Variants in CALU observed in about 807,000 individuals in gnomAD.
The protein encoded by CALU is IEF SSP 9302.
Under a neutral mutation model 37.5 loss-of-function variants are expected in CALU, and 13 were observed. The ratio of observed to expected loss-of-function variants is 0.35; its 90% confidence interval spans 0.23 to 0.55. The LOEUF (loss-of-function observed/expected upper bound fraction) is 0.55, where lower values mean the gene tolerates loss of function less well. Ranked by LOEUF, CALU falls within the 20% of genes least tolerant of loss-of-function variation. The probability of loss-of-function intolerance (pLI) is 0.89; values close to 1 mark genes in which losing one functional copy is unlikely to be tolerated. For synonymous variants in CALU, 114 were observed against 133.8 expected (o/e 0.85, Z 1.02); for missense variants, 282 against 391.7 (o/e 0.72, Z 2.36).
chr7:128,757,621 A>G (rs1191402812), intron 3 of CALU, among the ~76,000 whole-genome samples: 2 of 152,140 alleles, frequency 1.3e-5, no homozygotes, highest in East Asian at 1.9e-4. Flanking sequence ...AAGCAGTGTC[A>G]TATCCTTTTT....
At chr7:128,768,068 T>C (rs915632368) in intron 6 of CALU, among the ~76,000 whole-genome samples, 5 of 152,190 alleles carry the variant, frequency 3.3e-5, no homozygotes, top group Non-Finnish European at 7.3e-5. Flanking sequence ...TTGGGTCCTT[T>C]GTATGGGCTA....
intron 6 of CALU, among the ~76,000 whole-genome samples, chr7:128,768,850 A>AAAAAAAAAAAAAAC (rs1801436923): frequency 6.8e-6 from 1 of 147,148 alleles, no homozygotes; most frequent in Non-Finnish European, 1.5e-5. Context: ...TCCGTCTCAA[A>AAAAAAAAAAAAAAC]AAAAAAAAAA....
chr7:128,751,016 G>A (rs997933388), intron 2 of CALU, among the ~76,000 whole-genome samples: 1 of 152,138 alleles, frequency 6.6e-6, no homozygotes, highest in African/African-American at 2.4e-5. Context: ...CTGGCTGGGC[G>A]CAATGGCTCA....
At chr7:128,739,835 C>G (rs566017114) in intron 1 of CALU, among the ~76,000 whole-genome samples, 1 of 152,112 alleles carries the variant, frequency 6.6e-6, no homozygotes, top group African/African-American at 2.4e-5. Context: ...CTTGCCGCCT[C>G]CACTCACCAT....
In CALU at chr7:128,748,822, A is replaced by C; in HGVS notation, c.221+18A>C. 4 of 1,533,098 alleles carry C rather than the reference A, an allele frequency of 2.6e-6. No homozygotes were observed. The highest frequency in any genetic ancestry group is 3.6e-6 in the Non-Finnish European group (4 of 1,106,298). 95.0% of individuals were successfully genotyped at this position (1,533,098 alleles called of 1,614,324 possible). ...AGGCTTGGGTAAGGTACCACCTCTC[A>C]GGGGTCTAGTGTGGGTAATGACATT... On this transcript the variant is annotated intron_variant, in intron 2 of 6. Transcript: ENST00000249364.
At chr7:128,748,847 T>C in intron 2 of CALU, 43 bp downstream of exon 2, 1 of 1,333,938 alleles carries the variant, frequency 7.5e-7, no homozygotes, top group Non-Finnish European at 1.1e-6. Context: ...GTAATGACAT[T>C]CTTTATAAAG....
At chr7:128,756,102 ACAGT>A (rs1800874069) in intron 3 of CALU, among the ~76,000 whole-genome samples, 1 of 152,264 alleles carries the variant, frequency 6.6e-6, no homozygotes, top group Non-Finnish European at 1.5e-5. Flanking sequence ...CATGTATTAA[ACAGT>A]CAGCACAGAT....
At chr7:128,767,394 A>G (rs576688947) in intron 5 of CALU, 62 bp from the exon 6 acceptor site, 2 of 1,273,942 alleles carry the variant, frequency 1.6e-6, no homozygotes, top group South Asian at 2.4e-5. Context: ...AGGCCAGATT[A>G]GCATGAGGCA....
At chr7:128,754,931 A>G (rs1479741827) in intron 3 of CALU, among the ~76,000 whole-genome samples, 1 of 151,996 alleles carries the variant, frequency 6.6e-6, no homozygotes, top group African/African-American at 2.4e-5. Context: ...TATCTTCTAC[A>G]TTTTTAGCAT....
chr7:128,766,433 T>C (rs1377137931), intron 5 of CALU, among the ~76,000 whole-genome samples: 2 of 144,444 alleles, frequency 1.4e-5, no homozygotes, highest in African/African-American at 2.6e-5. Context: ...TTCTTTTTTT[T>C]TTTTTTTTTT....
chr7:128,760,839 C>G (rs1190222141), intron 5 of CALU, among the ~76,000 whole-genome samples: 1 of 152,136 alleles, frequency 6.6e-6, no homozygotes, highest in East Asian at 1.9e-4. Context: ...ACCCAGGAGG[C>G]AGAGCTTGCA....
At chr7:128,768,981 C>T (rs373902716) in intron 6 of CALU, 82 bp from the exon 7 acceptor site, 3 of 762,118 alleles carry the variant, frequency 3.9e-6, no homozygotes, top group East Asian at 2.6e-5. Flanking sequence ...TTCTGATTAA[C>T]CCCAATTCTT....
intron 2 of CALU, 32 bp downstream of exon 2, chr7:128,748,836 G>GGTAAT: frequency 7.0e-7 from 1 of 1,420,456 alleles, no homozygotes. Context: ...GTCTAGTGTG[G>GGTAAT]GTAATGACAT....
chr7:128,762,655 AACTT>A (rs1363179078), intron 5 of CALU, among the ~76,000 whole-genome samples: 5 of 151,504 alleles, frequency 3.3e-5, no homozygotes, highest in Non-Finnish European at 7.4e-5. Flanking sequence ...AGACGTACAC[AACTT>A]ATTTGTTTAT....
intron 5 of CALU, among the ~76,000 whole-genome samples, chr7:128,765,893 G>C (rs2128882959): frequency 1.3e-5 from 2 of 152,254 alleles, no homozygotes; most frequent in East Asian, 3.9e-4. Context: ...TAGCAATATT[G>C]CTTAGTTCTT....
chr7:128,748,760 G>T lies in CALU; in HGVS notation c.177G>T (p.Lys59Asn). 1 of 1,614,182 alleles carries T rather than the reference G, an allele frequency of 6.2e-7. No homozygotes were observed. Among genetic ancestry groups the T allele is most frequent in the Non-Finnish European group, 8.5e-7 (1 of 1,180,026 alleles). Residue 59 changes from lysine to asparagine, a missense_variant, in exon 2 of 7, where the codon AAG (lysine) becomes AAT (asparagine). Coordinates refer to ENST00000249364, the MANE Select transcript of CALU (RefSeq NM_001219.5). ...HDAFLGAEEA[K>N]TFDQLTPEES... ...CCTTCTTGGGTGCTGAAGAAGCAAA[G>T]ACCTTTGATCAGCTGACACCAGAAG...
chr7:128,748,537 T>C (rs747961621), intron 1 of CALU, 36 bp from the exon 2 acceptor site: 7 of 1,494,760 alleles, frequency 4.7e-6, no homozygotes, highest in Non-Finnish European at 6.5e-6. Flanking sequence ...TTAAGCATAC[T>C]GCCTCCTGAA....
chr7:128,758,228 GA>G (rs1044955707), intron 3 of CALU, among the ~76,000 whole-genome samples: 2 of 151,526 alleles, frequency 1.3e-5, no homozygotes, highest in Non-Finnish European at 2.9e-5. Flanking sequence ...TGCGTTGACT[GA>G]AAAAAAACAG....
At chr7:128,759,657 A>G (rs758110220) in intron 4 of CALU, 135 bp from the exon 5 acceptor site, 25 of 499,886 alleles carry the variant, frequency 5.0e-5, no homozygotes, top group East Asian at 1.6e-4. Flanking sequence ...ACACATGCAT[A>G]CATACATACA....
Sources: gnomAD v4.1 joint callset for allele counts (sites outside exome capture counted in the v4.1 genomes callset) on GRCh38, gnomAD v4.1.1 for gene constraint, MANE v1.5 for transcripts, NCBI Gene and HGNC (gene_info 2026-07-23, HGNC 2026-07-21) for gene names.